CPA6: variants seen among roughly 807,000 people sequenced by gnomAD.
CPA6 encodes carboxypeptidase A6.
A neutral mutation model predicts 63.3 loss-of-function variants in CPA6; 58 were observed. That is an observed-to-expected ratio of 0.92 (90% CI 0.74 to 1.14). The LOEUF is 1.14. Ranked by LOEUF, CPA6 falls within the 50% of genes most tolerant of loss-of-function variation. The pLI, the probability that CPA6 is intolerant of heterozygous loss-of-function variation, is 0.00. For synonymous variants in CPA6, 185 were observed against 179.0 expected, an observed-to-expected ratio of 1.03 and a Z score of -0.27; for missense variants, 565 against 526.6, an observed-to-expected ratio of 1.07 and a Z score of -0.71.
intron 8 of CPA6, among the ~76,000 whole-genome samples, chr8:67,466,697 T>C (rs1320698247): frequency 6.6e-6 from 1 of 152,178 alleles, no homozygotes; most frequent in African/African-American, 2.4e-5. Context: ...GTGATTTCTG[T>C]GTTAATTTTG....
intron 8 of CPA6, among the ~76,000 whole-genome samples, chr8:67,475,697 T>C (rs1811156553): frequency 6.6e-6 from 1 of 152,138 alleles, no homozygotes; most frequent in East Asian, 1.9e-4. Context: ...CTCTTTCTTT[T>C]CTTTCCTTTC....
chr8:67,551,990 T>C (rs1340887464), intron 2 of CPA6, among the ~76,000 whole-genome samples: 1 of 152,222 alleles, frequency 6.6e-6, no homozygotes, highest in Non-Finnish European at 1.5e-5. Flanking sequence ...TCTGATGTAA[T>C]AAGAGGATTG....
chr8:67,676,948 A>G (rs566040259), intron 1 of CPA6, among the ~76,000 whole-genome samples: 16 of 152,346 alleles, frequency 1.1e-4, no homozygotes, highest in Non-Finnish European at 2.1e-4. Context: ...ATGTGTATGT[A>G]CGTATATGTA....
At chr8:67,689,485 C>T (rs989334095) in intron 1 of CPA6, among the ~76,000 whole-genome samples, 1 of 152,128 alleles carries the variant, frequency 6.6e-6, no homozygotes, top group Non-Finnish European at 1.5e-5. Flanking sequence ...GCCATGAGTA[C>T]CCATTGTTTA....
intron 2 of CPA6, among the ~76,000 whole-genome samples, chr8:67,621,575 C>A (rs913478608): frequency 2.6e-5 from 4 of 152,238 alleles, no homozygotes; most frequent in African/African-American, 9.6e-5. Context: ...TTACTTAACT[C>A]TGTCTCTCTT....
intron 3 of CPA6, among the ~76,000 whole-genome samples, chr8:67,516,445 C>T (rs763768696): frequency 1.3e-5 from 2 of 152,184 alleles, no homozygotes; most frequent in Non-Finnish European, 2.9e-5. Context: ...TACAAATACA[C>T]CAAGATTTCC....
intron 1 of CPA6, among the ~76,000 whole-genome samples, chr8:67,702,644 T>C (rs1208839817): frequency 6.6e-6 from 1 of 152,154 alleles, no homozygotes; most frequent in East Asian, 1.9e-4. Flanking sequence ...GGTGTTTAAC[T>C]GGTATATGGC....
intron 2 of CPA6, among the ~76,000 whole-genome samples, chr8:67,522,630 G>A (rs1812282330): frequency 1.3e-5 from 2 of 152,354 alleles, no homozygotes; most frequent in Middle Eastern, 6.8e-3. Context: ...AAAAGAGAAA[G>A]CTGTAACACT....
At chr8:67,668,136 AGGCTTTG>A (rs1290882421) in intron 1 of CPA6, among the ~76,000 whole-genome samples, 1 of 152,272 alleles carries the variant, frequency 6.6e-6, no homozygotes, top group Non-Finnish European at 1.5e-5. Flanking sequence ...CTGGTTAAAA[AGGCTTTG>A]CTCAACATGC....
intron 1 of CPA6, among the ~76,000 whole-genome samples, chr8:67,643,329 C>T (rs951436540): frequency 1.3e-5 from 2 of 152,080 alleles, no homozygotes; most frequent in Non-Finnish European, 2.9e-5. Flanking sequence ...AAACTTTTCT[C>T]AACAGTAGAA....
At chr8:67,563,908 C>T (rs1036554273) in intron 2 of CPA6, among the ~76,000 whole-genome samples, 1 of 152,166 alleles carries the variant, frequency 6.6e-6, no homozygotes, top group Admixed American at 6.5e-5. Flanking sequence ...TCTTAGGCTG[C>T]AAGTCTATTC....
intron 2 of CPA6, among the ~76,000 whole-genome samples, chr8:67,540,786 C>T (rs1812688014): frequency 6.6e-6 from 1 of 152,200 alleles, no homozygotes; most frequent in African/African-American, 2.4e-5. Context: ...AACTTCCTGG[C>T]AGCTTTGTTT....
At chr8:67,554,821 C>T (rs990440362) in intron 2 of CPA6, among the ~76,000 whole-genome samples, 3 of 152,158 alleles carry the variant, frequency 2.0e-5, no homozygotes, top group Non-Finnish European at 4.4e-5. Context: ...CCTTCCTCTG[C>T]CATTTTGTTC....
intron 1 of CPA6, among the ~76,000 whole-genome samples, chr8:67,648,258 G>GTTT (rs4009129): frequency 0.19 from 21,893 of 113,390 alleles, 1,841 homozygotes; most frequent in South Asian, 0.24. Flanking sequence ...CCTAGATTAG[G>GTTT]TTTTTTTTTT....
chr8:67,698,999 C>T (rs1816965102), intron 1 of CPA6, among the ~76,000 whole-genome samples: 1 of 152,194 alleles, frequency 6.6e-6, no homozygotes, highest in Non-Finnish European at 1.5e-5. Flanking sequence ...CAATCCACTA[C>T]ATAGTTGGAA....
Position 67,746,205 on chromosome 8 carries a change from A to C in CPA6, c.-76T>G, listed in dbSNP as rs886063083. On this transcript the variant is annotated 5_prime_UTR_variant, in exon 1 of 11. Transcript: ENST00000297770. The stretch of plus-strand genomic sequence containing the variant: ...GGAGGTGGCTCACAGCACCCTCTAC[A>C]CACCGCACAGGTTCTCCGGGAAGGG... 2.3e-5 allele frequency: 23 copies of C among 1,008,278 alleles called. No homozygotes were observed. The highest frequency in any genetic ancestry group is 3.4e-5 in the Non-Finnish European group (23 of 674,460). The allele number at this position is 1,008,278 out of a possible 1,614,324, so 62.5% of individuals were successfully genotyped here.
intron 8 of CPA6, among the ~76,000 whole-genome samples, chr8:67,438,749 G>A (rs942752433): frequency 1.6e-5 from 2 of 124,764 alleles, no homozygotes; most frequent in African/African-American, 4.0e-5. Context: ...CAAATCCTAG[G>A]AGACAACAAA....
chr8:67,523,813 T>C (rs545867698), intron 2 of CPA6, among the ~76,000 whole-genome samples: 1 of 152,208 alleles, frequency 6.6e-6, no homozygotes, highest in Non-Finnish European at 1.5e-5. Context: ...GTGTGAGTCC[T>C]ATACACAGAT....
chr8:67,709,607 G>A (rs987002678), intron 1 of CPA6, among the ~76,000 whole-genome samples: 6 of 152,202 alleles, frequency 3.9e-5, no homozygotes, highest in Non-Finnish European at 7.3e-5. Flanking sequence ...GCCATTGTGA[G>A]TGACCATGGC....
Sources: allele counts gnomAD v4.1 joint callset (sites outside exome capture counted in the v4.1 genomes callset), GRCh38; gene constraint gnomAD v4.1.1; transcripts MANE v1.5; gene names NCBI Gene and HGNC (gene_info 2026-07-23, HGNC 2026-07-21).